The following IRGQ variants were observed in gnomAD, a reference collection of about 807,000 sequenced individuals.
The protein encoded by IRGQ is immunity-related GTPase family Q protein.
In IRGQ, 5 loss-of-function variants were observed where a neutral mutation model predicts 10.5. That is an observed-to-expected ratio of 0.48 (90% CI 0.25 to 1.00). IRGQ has a LOEUF of 1.00. Ranked by LOEUF, IRGQ falls within the 50% of genes least tolerant of loss-of-function variation. The pLI, the probability that IRGQ is intolerant of heterozygous loss-of-function variation, is 0.16. For synonymous variants in IRGQ, 418 were observed against 426.0 expected, an observed-to-expected ratio of 0.98 and a Z score of 0.23; for missense variants, 792 against 877.7, an observed-to-expected ratio of 0.90 and a Z score of 1.23.
rs1464678862 is a variant in IRGQ, at chr19:43,592,258, A to G, written c.1640T>C (p.Phe547Ser). The stretch of plus-strand genomic sequence containing the variant: ...CTCGGCGCGCGTCACCGGGCCTGGG[A>G]AATGAGCGCGCGCTGCCAGCTCTCC... Reference protein sequence around the residue: ...ASGELAARAHFPGPVTRAEVE... With the variant: ...ASGELAARAHSPGPVTRAEVE... The change falls in exon 3 of 3, where the codon TTC becomes TCC. Residue 547 changes from phenylalanine to serine, a missense_variant. Coordinates refer to ENST00000422989, the MANE Select transcript of IRGQ (RefSeq NM_001007561.3). 6.3e-7 allele frequency: 1 copy of G among 1,576,744 alleles called. No individual in the cohort carries two copies. Among genetic ancestry groups the G allele is most frequent in the East Asian group, 2.3e-5 (1 of 42,912 alleles).
At position 43,592,357 on chromosome 19, in the gene IRGQ, G is replaced by A. The variant is rs1308025470; in HGVS notation, c.1541C>T (p.Ala514Val). ...CAGCCCCAGGCCCCGTCGCCACTCC[G>A]CCAGCTGACCCCGCAGAAGTGCCAC... ...CDVALLRGQL[A>V]EWRRGLGLEP... Residue 514 changes from alanine (A) to valine (V), a missense_variant, in exon 3 of 3, where the codon GCG (alanine) becomes GTG (valine). Transcript: ENST00000422989. 2.5e-6 allele frequency: 4 copies of A among 1,574,956 alleles called. No individual in the cohort carries two copies. Among genetic ancestry groups the A allele is most frequent in the East Asian group, 2.3e-5 (1 of 42,770 alleles).
In IRGQ at chr19:43,584,685, CA is replaced by C. The variant is rs1167319842; in HGVS notation, c.*7340del. 1 of 152,186 alleles carries C rather than the reference CA, an allele frequency of 6.6e-6. No individual in the cohort carries two copies. Among genetic ancestry groups the C allele is most frequent in the Non-Finnish European group, 1.5e-5 (1 of 68,042 alleles). 9.4% of individuals were successfully genotyped at this position (152,186 alleles called of 1,614,324 possible). ...GCAACTTGGTCTGGGATCAGCTGGGCAGTTCTTTTGCTGGTCTCAGCTGGGT... is the reference window on the plus strand; with the variant it reads ...GCAACTTGGTCTGGGATCAGCTGGGCGTTCTTTTGCTGGTCTCAGCTGGGT... On this transcript the variant is annotated 3_prime_UTR_variant, in exon 3 of 3. Transcript: ENST00000422989.
Position 43,592,528 on chromosome 19 carries a change from G to A in IRGQ, c.1370C>T (p.Ala457Val), listed in dbSNP as rs1304446346. Residue 457 changes from alanine (A) to valine (V), a missense_variant, in exon 3 of 3, where the codon GCA (alanine) becomes GTA (valine). Transcript: ENST00000422989. ...TGCTGGTGGCAACGCCAGCAGCAGT[G>A]CCCCTGCCTGGGCTGGGGGGAGCGC... ...RRALPPAQAG[A>V]LLLALPPASP... 1.9e-6 allele frequency: 3 copies of A among 1,596,470 alleles called. No homozygotes were observed. Among genetic ancestry groups the A allele is most frequent in the African/African-American group, 2.7e-5 (2 of 74,980 alleles).
At position 43,595,065 on chromosome 19, in the gene IRGQ, A is replaced by C. The variant is rs1973116050; in HGVS notation, c.274T>G (p.Leu92Val). The C allele has an allele frequency of 6.2e-7, 1 of 1,612,748 alleles. No homozygotes were observed. Among genetic ancestry groups the C allele is most frequent in the Admixed American group, 1.7e-5 (1 of 59,966 alleles). Residue 92 changes from leucine (L) to valine (V), a missense_variant, in exon 2 of 3, where the codon TTG (leucine) becomes GTG (valine). By Grantham distance (32) the Leu-to-Val change is conservative (BLOSUM62 1). Transcript: ENST00000422989. Reference sequence around the variant, plus strand: ...GCTGCCTCTCCCAGGGCTGGAGCCAACGGTTCCCCGTTCCCCTCGGGTCCG... The same window carrying C: ...GCTGCCTCTCCCAGGGCTGGAGCCACCGGTTCCCCGTTCCCCTCGGGTCCG... ...LPGPEGNGEP[L>V]APALGEAALA...
At chr19:43,594,684 AAT>A in intron 2 of IRGQ, 123 bp downstream of exon 2, 18 of 642,144 alleles carry the variant, frequency 2.8e-5, no homozygotes, top group Non-Finnish European at 3.8e-5. Context: ...AAAAAAAAAA[AAT>A]AATAATAATA....
chr19:43,587,682 G>C lies in IRGQ; in HGVS notation c.*4344C>G, dbSNP rs1973009349. The C allele has an allele frequency of 6.6e-6, 1 of 152,106 alleles. No homozygotes were observed. Among genetic ancestry groups the C allele is most frequent in the Non-Finnish European group, 1.5e-5 (1 of 68,022 alleles). 9.4% of individuals were successfully genotyped at this position (152,106 alleles called of 1,614,324 possible). On this transcript the variant is annotated 3_prime_UTR_variant, in exon 3 of 3. Coordinates refer to ENST00000422989, the MANE Select transcript of IRGQ (RefSeq NM_001007561.3). ...GCACTTTGGGAGGCCGAGGTGGGTG[G>C]ATCACCTGAGGTCAGGAGTTTGAGA...
In IRGQ at chr19:43,595,353, G is replaced by A. The variant is rs542146683; in HGVS notation, c.-2-13C>T. ...GGCGGAGGCATGGCTGGAAAGCAAC[G>A]GGTAGAGAAGACCTGGGTCAGGGAG... On this transcript the variant is annotated splice_polypyrimidine_tract_variant and intron_variant, in intron 1 of 2. Transcript: ENST00000422989. 6 of 1,524,758 alleles carry A rather than the reference G, an allele frequency of 3.9e-6. No homozygotes were observed. Among genetic ancestry groups the A allele is most frequent in the East Asian group, 2.3e-5 (1 of 44,026 alleles). The allele number at this position is 1,524,758 out of a possible 1,614,324, so 94.5% of individuals were successfully genotyped here.
chr19:43,595,444 C>T (rs577832830), intron 1 of IRGQ, 104 bp from the exon 2 acceptor site: 2 of 1,103,702 alleles, frequency 1.8e-6, no homozygotes, highest in South Asian at 1.7e-5. Context: ...CACCCTGTCC[C>T]CTTCGGTTCT....
Position 43,594,922 on chromosome 19 carries a change from C to T in IRGQ, c.417G>A (p.Gly139=). ...DQTAALLNSA[G]LGAADLFVLP... The stretch of plus-strand genomic sequence containing the variant: ...GCACAAACAGATCCGCAGCTCCTAA[C>T]CCCGCGCTGTTCAGCAGAGCTGCTG... Residue 139 remains glycine (G), a synonymous_variant, in exon 2 of 3, where the codon GGG becomes GGA. Coordinates refer to ENST00000422989, the MANE Select transcript of IRGQ (RefSeq NM_001007561.3). The T allele has an allele frequency of 6.2e-7, 1 of 1,614,070 alleles. No homozygotes were observed. The highest frequency in any genetic ancestry group is 8.5e-7 in the Non-Finnish European group (1 of 1,179,950).
rs369662943 is a variant in IRGQ at position 43,595,317 on chromosome 19, C to G, written c.22G>C (p.Val8Leu). The G allele has an allele frequency of 6.4e-7, 1 of 1,563,030 alleles. No individual in the cohort carries two copies. Among genetic ancestry groups the G allele is most frequent in the East Asian group, 2.3e-5 (1 of 44,208 alleles). Residue 8 changes from valine to leucine, a missense_variant, in exon 2 of 3, where the codon GTG becomes CTG. Transcript: ENST00000422989. Reference protein sequence around the residue: MPPPQGDVTALFLGPPGL... With the variant: MPPPQGDLTALFLGPPGL... ...GGAGGCCCCAGGAACAAGGCGGTCA[C>G]GTCACCCTGCGGCGGAGGCATGGCT...
chr19:43,593,393 C>T lies in IRGQ; in HGVS notation c.531-26G>A. ...CTGTGGGGACAAGAAGGGACAGGGT[C>T]AAAGGTAGAAGAGGGGCTGGGTGAC... is the stretch of plus-strand genomic sequence containing the variant. On this transcript the variant is annotated intron_variant, in intron 2 of 2. Transcript: ENST00000422989. This position sits in a 1 kb window ranked among gnomAD's most constrained non-coding sequence, Gnocchi z 6.4. The T allele has an allele frequency of 1.3e-6, 2 of 1,490,772 alleles. No individual in the cohort carries two copies. The highest frequency in any genetic ancestry group is 1.4e-5 in the South Asian group (1 of 70,082). 92.3% of individuals were successfully genotyped at this position (1,490,772 alleles called of 1,614,324 possible). A position where few individuals can be genotyped will look rare whatever the true frequency, so the allele number is the denominator to read the frequency against.
At position 43,593,143 on chromosome 19, in the gene IRGQ, G is replaced by A; in HGVS notation, c.755C>T (p.Ala252Val). Residue 252 changes from alanine to valine, a missense_variant, in exon 3 of 3, where the codon GCT becomes GTT. Ala to Val is a moderately conservative substitution (Grantham distance 64, BLOSUM62 0). Transcript: ENST00000422989. This position sits in a 1 kb window ranked among gnomAD's most constrained non-coding sequence, Gnocchi z 6.4. Reference sequence around the variant, plus strand: ...TGCTGTGGGGACCGAAGCAGGCGCAGCGCCTGGGTCGCCAGGATCCAATCC... The same window carrying A: ...TGCTGTGGGGACCGAAGCAGGCGCAACGCCTGGGTCGCCAGGATCCAATCC... ...LLGLDPGDPG[A>V]APASVPTAPT... 6.4e-7 allele frequency: 1 copy of A among 1,559,022 alleles called. No individual in the cohort carries two copies. Among genetic ancestry groups the A allele is most frequent in the Non-Finnish European group, 8.7e-7 (1 of 1,149,614 alleles).
chr19:43,592,639 G>A lies in IRGQ; in HGVS notation c.1259C>T (p.Thr420Met), dbSNP rs202164946. The change falls in exon 3 of 3, where the codon ACG (threonine) becomes ATG (methionine). Residue 420 changes from threonine (T) to methionine (M), a missense_variant. Physicochemically the swap from Thr to Met is moderately conservative, Grantham distance 81. Coordinates refer to ENST00000422989, the MANE Select transcript of IRGQ (RefSeq NM_001007561.3). ...RAAALSPEDE[T>M]WEVLEEAPPP... ...CGGCGCCTCCTCCAGCACCTCCCAC[G>A]TCTCGTCCTCCGGGCTTAACGCAGC... 64 of 1,603,758 alleles carry A rather than the reference G, an allele frequency of 4.0e-5. No homozygotes were observed. Among genetic ancestry groups the A allele is most frequent in the Non-Finnish European group, 4.9e-5 (58 of 1,179,958 alleles).
Position 43,592,862 on chromosome 19 carries a change from T to A in IRGQ, c.1036A>T (p.Met346Leu). Residue 346 changes from methionine (M) to leucine (L), a missense_variant, in exon 3 of 3, where the codon ATG becomes TTG. Physicochemically the swap from Met to Leu is conservative, Grantham distance 15 (BLOSUM62 2). Transcript: ENST00000422989. ...EDPECLGEGKMENPKGESLKN... is the reference protein window; with the variant it reads ...EDPECLGEGKLENPKGESLKN... The stretch of plus-strand genomic sequence containing the variant: ...AAGCTCTCGCCCTTGGGATTCTCCA[T>A]CTTGCCTTCTCCCAGACACTCCGGA... 4 of 1,613,940 alleles carry A rather than the reference T, an allele frequency of 2.5e-6. No homozygotes were observed. The highest frequency in any genetic ancestry group is 3.4e-6 in the Non-Finnish European group (4 of 1,180,016).
chr19:43,594,991 G>A lies in IRGQ; in HGVS notation c.348C>T (p.Leu116=), dbSNP rs754693311. The change falls in exon 2 of 3, where the codon CTC becomes CTT. Residue 116 remains leucine, a synonymous_variant. Coordinates refer to ENST00000422989, the MANE Select transcript of IRGQ (RefSeq NM_001007561.3). ...CGGCAGTCTGTGAATCCCCAGGACG[G>A]AGGTTCCGCACAGCCAGTAGCGGGG... ...RGTPLLAVRN[L]RPGDSQTAAQ... is the part of the protein sequence containing the mutation. The A allele has an allele frequency of 6.2e-7, 1 of 1,613,816 alleles. No homozygotes were observed. Among genetic ancestry groups the A allele is most frequent in the Non-Finnish European group, 8.5e-7 (1 of 1,179,946 alleles).
At position 43,591,427 on chromosome 19, in the gene IRGQ, C is replaced by T. The variant is rs547946692; in HGVS notation, c.*599G>A. On this transcript the variant is annotated 3_prime_UTR_variant, in exon 3 of 3. Transcript: ENST00000422989. Reference sequence around the variant, plus strand: ...GACTTCTACCAGCCTCCCTGGAGGACTAAACATCCAGTAACTCCAGTTTCT... The same window carrying T: ...GACTTCTACCAGCCTCCCTGGAGGATTAAACATCCAGTAACTCCAGTTTCT... The T allele has an allele frequency of 6.6e-6, 1 of 152,396 alleles. No individual in the cohort carries two copies. Among genetic ancestry groups the T allele is most frequent in the Admixed American group, 6.5e-5 (1 of 15,288 alleles). 9.4% of individuals were successfully genotyped at this position (152,396 alleles called of 1,614,324 possible).
chr19:43,593,232 G>T lies in IRGQ; in HGVS notation c.666C>A (p.Ser222Arg). Residue 222 changes from serine to arginine, a missense_variant, in exon 3 of 3, where the codon AGC becomes AGA. Coordinates refer to ENST00000422989, the MANE Select transcript of IRGQ (RefSeq NM_001007561.3). The surrounding 1 kb of genome is among the most constrained non-coding windows in gnomAD (Gnocchi z 6.4). ...WVRSGLERLGSARLDLAVAGK... is the reference protein window; with the variant it reads ...WVRSGLERLGRARLDLAVAGK... ...CAGCCACGGCCAGGTCTAGCCGTGC[G>T]CTGCCCAGGCGCTCCAGGCCTGAGC... The T allele has an allele frequency of 1.3e-6, 2 of 1,585,672 alleles. No homozygotes were observed. The highest frequency in any genetic ancestry group is 1.7e-6 in the Non-Finnish European group (2 of 1,164,126).
Position 43,595,234 on chromosome 19 carries a change from G to A in IRGQ, c.105C>T (p.Leu35=), listed in dbSNP as rs1415606648. The change falls in exon 2 of 3, where the codon CTC becomes CTT. Residue 35 remains leucine (L), a synonymous_variant. Transcript: ENST00000422989. Reference sequence around the variant, plus strand: ...AGTCCGGCCGTCCCTCGGGGGCCTCGAGCGTCTCCACATCCTTGTCGCACA... The same window carrying A: ...AGTCCGGCCGTCCCTCGGGGGCCTCAAGCGTCTCCACATCCTTGTCGCACA... ...AALCDKDVET[L]EAPEGRPDSG... is the part of the protein sequence containing the mutation. 5 of 1,612,500 alleles carry A rather than the reference G, an allele frequency of 3.1e-6. No homozygotes were observed. Among genetic ancestry groups the A allele is most frequent in the African/African-American group, 2.7e-5 (2 of 74,948 alleles).
In IRGQ at chr19:43,591,970, G is replaced by T; in HGVS notation, c.*56C>A. On this transcript the variant is annotated 3_prime_UTR_variant, in exon 3 of 3. Coordinates refer to ENST00000422989, the MANE Select transcript of IRGQ (RefSeq NM_001007561.3). ...GTCCACATCCCCTTCAAGCACCCAGGATTAAGCCCAGGCATCCCCTGTCAG... is the reference window on the plus strand; with the variant it reads ...GTCCACATCCCCTTCAAGCACCCAGTATTAAGCCCAGGCATCCCCTGTCAG... 6.6e-7 allele frequency: 1 copy of T among 1,522,836 alleles called. No individual in the cohort carries two copies. Among genetic ancestry groups the T allele is most frequent in the East Asian group, 2.3e-5 (1 of 43,870 alleles). 94.3% of individuals were successfully genotyped at this position (1,522,836 alleles called of 1,614,324 possible).
Sources: allele counts gnomAD v4.1 joint callset, GRCh38; gene constraint gnomAD v4.1.1; non-coding constraint Gnocchi (gnomAD v3.1); transcripts MANE v1.5; gene names NCBI Gene and HGNC (gene_info 2026-07-23, HGNC 2026-07-21).